Variants in CUBN observed in about 807,000 individuals in gnomAD.
CUBN encodes cubilin.
Under a neutral mutation model 405.3 loss-of-function variants are expected in CUBN, and 282 were observed. The ratio of observed to expected loss-of-function variants is 0.70; its 90% confidence interval spans 0.63 to 0.77. The LOEUF is 0.77. CUBN is among the 30% of genes least tolerant of loss of function. The pLI is 0.00. For synonymous variants in CUBN, 1,684 were observed against 1,617.0 expected, an observed-to-expected ratio of 1.04 and a Z score of -0.99; for missense variants, 4,514 against 4,475.2, an observed-to-expected ratio of 1.01 and a Z score of -0.25.
At chr10:17,053,310 T>A (rs747307848) in intron 22 of CUBN, among the ~76,000 whole-genome samples, 1 of 151,988 alleles carries the variant, frequency 6.6e-6, no homozygotes, top group Non-Finnish European at 1.5e-5. Context: ...TTTTTTACTA[T>A]GCATGCACAT....
At chr10:16,977,864 T>C (rs1245374407) in intron 31 of CUBN, among the ~76,000 whole-genome samples, 1 of 152,224 alleles carries the variant, frequency 6.6e-6, no homozygotes, top group Admixed American at 6.5e-5. Context: ...CTTGAACAGA[T>C]GAGACACACC....
At chr10:17,110,877 C>G in intron 9 of CUBN, 42 bp downstream of exon 9, 1 of 1,613,974 alleles carries the variant, frequency 6.2e-7, no homozygotes, top group Non-Finnish European at 8.5e-7. Flanking sequence ...TCTGTGTTCC[C>G]TGTGCTGGGG....
chr10:16,939,938 G>T (rs1325058622), intron 37 of CUBN, 94 bp downstream of exon 37: 3 of 1,068,988 alleles, frequency 2.8e-6, no homozygotes, highest in East Asian at 4.7e-5. Flanking sequence ...GTAGAGTTTA[G>T]GATTGTTCTT....
At chr10:16,952,447 C>G (rs1842947636) in intron 32 of CUBN, 58 bp from the exon 33 acceptor site, 1 of 1,033,058 alleles carries the variant, frequency 9.7e-7, no homozygotes, top group African/African-American at 1.6e-5. Flanking sequence ...ACTGACCGTA[C>G]AAAACAATTA....
chr10:17,048,627 A>C (rs1442919193), intron 22 of CUBN, among the ~76,000 whole-genome samples: 2 of 152,234 alleles, frequency 1.3e-5, no homozygotes, highest in Non-Finnish European at 2.9e-5. Flanking sequence ...ACAAGCATGC[A>C]CCACCATGCC....
intron 59 of CUBN, among the ~76,000 whole-genome samples, chr10:16,855,321 T>G (rs551453614): frequency 6.6e-6 from 1 of 152,128 alleles, no homozygotes; most frequent in South Asian, 2.1e-4. Flanking sequence ...TTCTGTGCAC[T>G]TGATGTTAGG....
chr10:16,954,990 G>A (rs568171839), intron 31 of CUBN, among the ~76,000 whole-genome samples: 8 of 152,298 alleles, frequency 5.3e-5, no homozygotes, highest in East Asian at 1.9e-4. Context: ...CATAAGTTTC[G>A]TGATAGGGTA....
rs866755076 is a variant in CUBN, at chr10:16,885,716, T to C, written c.8905+2701A>G. Among the ~76,000 whole-genome samples, 11 of 152,318 alleles carry C rather than the reference T, an allele frequency of 7.2e-5. No individual in the cohort carries two copies. In the South Asian group the frequency reaches 1.0e-3, roughly 14 times the overall value. ...CTTATAATAATACATATACCACTGG[T>C]ATCAGCATTGCTTTCTGTGGCTTTA... On this transcript the variant is annotated intron_variant, in intron 56 of 66. Transcript: ENST00000377833.
At chr10:16,967,290 ACT>A (rs1843419782) in intron 31 of CUBN, among the ~76,000 whole-genome samples, 1 of 152,158 alleles carries the variant, frequency 6.6e-6, no homozygotes, top group South Asian at 2.1e-4. Flanking sequence ...GAGACTATAA[ACT>A]CTAAAAACTT....
At chr10:16,839,389 T>G (rs986977794) in intron 62 of CUBN, among the ~76,000 whole-genome samples, 11 of 151,902 alleles carry the variant, frequency 7.2e-5, no homozygotes, top group Non-Finnish European at 1.6e-4. Flanking sequence ...AACCACTCCA[T>G]CAAAAAGTGG....
chr10:16,969,768 A>T (rs111748080), intron 31 of CUBN, among the ~76,000 whole-genome samples: 3 of 152,230 alleles, frequency 2.0e-5, no homozygotes, highest in African/African-American at 7.2e-5. Context: ...CTCAATTTGG[A>T]ACCTATAGGG....
rs1398821695 is a variant in CUBN at position 16,851,311 on chromosome 10, A to T, written c.9587T>A (p.Val3196Glu). Reference protein sequence around the residue: ...VWIIIAPVNKVIHLTFNTFAL... With the variant: ...VWIIIAPVNKEIHLTFNTFAL... Reference sequence around the variant, plus strand: ...AAATGTATTGAAGGTGAGGTGAATTACTTTGTTTACAGGTGCAATTATGAT... The same window carrying T: ...AAATGTATTGAAGGTGAGGTGAATTTCTTTGTTTACAGGTGCAATTATGAT... The change falls in exon 60 of 67, where the codon GTA becomes GAA. Residue 3196 changes from valine to glutamate, a missense_variant. By Grantham distance (121) the Val-to-Glu change is moderately radical. Coordinates refer to ENST00000377833, the MANE Select transcript of CUBN (RefSeq NM_001081.4). 6.2e-7 allele frequency: 1 copy of T among 1,614,144 alleles called. No homozygotes were observed. Among genetic ancestry groups the T allele is most frequent in the South Asian group, 1.1e-5 (1 of 91,088 alleles).
intron 22 of CUBN, among the ~76,000 whole-genome samples, chr10:17,048,588 C>T (rs1835191714): frequency 6.6e-6 from 1 of 152,028 alleles, no homozygotes; most frequent in Admixed American, 6.5e-5. Context: ...AGCAATTCTC[C>T]TGTCTCAGCC....
intron 7 of CUBN, among the ~76,000 whole-genome samples, chr10:17,114,911 G>A (rs1836853918): frequency 6.6e-6 from 1 of 152,162 alleles, no homozygotes. Context: ...GCCAAGAGAA[G>A]GTCTTATCTC....
intron 60 of CUBN, among the ~76,000 whole-genome samples, chr10:16,847,365 T>C (rs1461427906): frequency 6.6e-6 from 1 of 151,838 alleles, no homozygotes; most frequent in Non-Finnish European, 1.5e-5. Flanking sequence ...GGCAGGAGAA[T>C]GGCGTGAACC....
Position 17,109,653 on chromosome 10 carries a change from G to A in CUBN, c.1098C>T (p.Cys366=). The A allele has an allele frequency of 1.9e-6, 3 of 1,613,480 alleles. No individual in the cohort carries two copies. The highest frequency in any genetic ancestry group is 1.3e-5 in the African/African-American group (1 of 75,002). ...ATGAGTCATTACCTAGAGTTGAGGA[G>A]CATGAGGCATCTGGGTGGCAGCCTC... ...SNGGCHPDAS[C]SSTLGSLPLC... Residue 366 remains cysteine (C), a synonymous_variant, in exon 10 of 67, where the codon TGC becomes TGT. Coordinates refer to ENST00000377833, the MANE Select transcript of CUBN (RefSeq NM_001081.4).
intron 17 of CUBN, among the ~76,000 whole-genome samples, chr10:17,078,564 T>C (rs1428043834): frequency 6.6e-6 from 1 of 152,232 alleles, no homozygotes; most frequent in African/African-American, 2.4e-5. Flanking sequence ...TGAAATTATG[T>C]AGTGTGTGCT....
intron 14 of CUBN, among the ~76,000 whole-genome samples, chr10:17,093,105 T>C (rs1380104728): frequency 6.6e-6 from 1 of 152,198 alleles, no homozygotes; most frequent in African/African-American, 2.4e-5. Context: ...ACCCTTGCTA[T>C]GGCAAACAAA....
chr10:16,893,251 G>C (rs1436110105), intron 54 of CUBN, among the ~76,000 whole-genome samples: 1 of 152,136 alleles, frequency 6.6e-6, no homozygotes, highest in Admixed American at 6.5e-5. Flanking sequence ...ACATTTGTAA[G>C]ATATAATATG....
Sources: allele counts gnomAD v4.1 joint callset (sites outside exome capture counted in the v4.1 genomes callset), GRCh38; gene constraint gnomAD v4.1.1; transcripts MANE v1.5; gene names NCBI Gene and HGNC (gene_info 2026-07-23, HGNC 2026-07-21).